ADCK5: variants seen among roughly 807,000 people sequenced by gnomAD.
ADCK5 encodes aarF domain containing kinase 5, also known as uncharacterized aarF domain-containing protein kinase 5.
A neutral mutation model predicts 64.9 loss-of-function variants in ADCK5; 43 were observed. The observed-to-expected ratio is 0.66, with a 90% CI of 0.52 to 0.85. The LOEUF is 0.85. ADCK5 is among the 40% of genes least tolerant of loss of function. ADCK5 has a pLI of 0.00. For missense variants in ADCK5, 760 were observed against 810.5 expected, an observed-to-expected ratio of 0.94 and a Z score of 0.76; for synonymous variants, 434 against 342.8, an observed-to-expected ratio of 1.27 and a Z score of -2.94.
rs1355410806 is a variant in ADCK5 at position 144,380,246 on chromosome 8, A to G, written c.116+756A>G. 6.6e-5 allele frequency among the ~76,000 whole-genome samples: 10 copies of G among 151,536 alleles called. No homozygotes were observed. In the East Asian group the frequency reaches 1.2e-3, roughly 18 times the overall value. On this transcript the variant is annotated intron_variant, in intron 2 of 14. Transcript: ENST00000308860. Reference sequence around the variant, plus strand: ...TAAGGATTATGGGCCGGGTGTAGAAACAGATGTGTGCTCAGGCACCTCCCG... The same window carrying G: ...TAAGGATTATGGGCCGGGTGTAGAAGCAGATGTGTGCTCAGGCACCTCCCG...
In ADCK5 at chr8:144,391,785, C is replaced by A; in HGVS notation, c.933C>A (p.Arg311=). 6.5e-7 allele frequency: 1 copy of A among 1,544,844 alleles called. No individual in the cohort carries two copies. The highest frequency in any genetic ancestry group is 8.7e-7 in the Non-Finnish European group (1 of 1,150,710). Residue 311 remains arginine, a splice_region_variant and synonymous_variant, in exon 9 of 15, where the codon CGC becomes CGA. Coordinates refer to ENST00000308860, the MANE Select transcript of ADCK5 (RefSeq NM_174922.5). Reference sequence around the variant, plus strand: ...GCCCAGCCTCTTGCTCTCCCCAGCGCGTGCTCACTGCCGACTTCTGCGCCG... The same window carrying A: ...GCCCAGCCTCTTGCTCTCCCCAGCGAGTGCTCACTGCCGACTTCTGCGCCG... ...PRVHWDKSSK[R]VLTADFCAGC...
intron 2 of ADCK5, among the ~76,000 whole-genome samples, chr8:144,380,240 G>T (rs1296935750): frequency 8.6e-5 from 13 of 152,038 alleles, no homozygotes; most frequent in Non-Finnish European, 1.6e-4. Context: ...TGGGCCGGGT[G>T]TAGAAACAGA....
At chr8:144,374,031 G>C, upstream of ADCK5, 2 of 1,241,894 alleles carry the variant, frequency 1.6e-6, no homozygotes, top group Non-Finnish European at 2.0e-6. Context: ...CCCTCCCGCA[G>C]GGCCTGCTGG....
chr8:144,391,076 G>A lies in ADCK5; in HGVS notation c.543+20G>A, dbSNP rs561021256. 7 of 1,611,036 alleles carry A rather than the reference G, an allele frequency of 4.3e-6. No homozygotes were observed. The highest frequency in any genetic ancestry group is 2.2e-5 in the East Asian group (1 of 44,874). On this transcript the variant is annotated intron_variant, in intron 5 of 14. Coordinates refer to ENST00000308860, the MANE Select transcript of ADCK5 (RefSeq NM_174922.5). The stretch of plus-strand genomic sequence containing the variant: ...CAGGAGGTGAGTGTGCGCTCAGGCC[G>A]AGGGAGGTGGGGCCTCCAGCAGTGG...
chr8:144,376,329 C>T lies in ADCK5; in HGVS notation c.12+2222C>T, dbSNP rs1362189440. ...CACAGTCTAGTGGGAGGACAGATTCCGTAAGTTGACAGTCACGCTGGTGTG... is the reference window on the plus strand; with the variant it reads ...CACAGTCTAGTGGGAGGACAGATTCTGTAAGTTGACAGTCACGCTGGTGTG... On this transcript the variant is annotated intron_variant, in intron 1 of 14. Transcript: ENST00000308860. The surrounding 1 kb of genome is among the most constrained non-coding windows in gnomAD (Gnocchi z 5.1). Among the ~76,000 whole-genome samples the T allele has an allele frequency of 2.0e-5, 3 of 152,104 alleles. No individual in the cohort carries two copies. The highest frequency in any genetic ancestry group is 2.9e-5 in the Non-Finnish European group (2 of 68,026).
intron 3 of ADCK5, among the ~76,000 whole-genome samples, chr8:144,386,211 C>A (rs1819918772): frequency 6.6e-6 from 1 of 151,594 alleles, no homozygotes; most frequent in African/African-American, 2.4e-5. Flanking sequence ...GGGGTTTTGC[C>A]ATGATGCCCA....
At chr8:144,375,333 C>G (rs1483122919) in intron 1 of ADCK5, 1 of 548,092 alleles carries the variant, frequency 1.8e-6, no homozygotes, top group South Asian at 8.0e-5. Flanking sequence ...GCCAGACCCA[C>G]TTACCCTGCC....
In ADCK5 at chr8:144,374,079, C is replaced by G; in HGVS notation, c.-17C>G. 2 of 1,247,466 alleles carry G rather than the reference C, an allele frequency of 1.6e-6. No homozygotes were observed. Among genetic ancestry groups the G allele is most frequent in the Non-Finnish European group, 2.0e-6 (2 of 988,686 alleles). 77.3% of individuals were successfully genotyped at this position (1,247,466 alleles called of 1,614,324 possible). ...TAAGCGGCGCCGGGCGGGAGAAGAG[C>G]GGAGCAGTGGTCGGAGATGTGGCGA... On this transcript the variant is annotated 5_prime_UTR_variant, in exon 1 of 15. Transcript: ENST00000308860.
intron 2 of ADCK5, among the ~76,000 whole-genome samples, chr8:144,381,891 G>A (rs1586581059): frequency 1.4e-5 from 2 of 144,834 alleles, no homozygotes; most frequent in South Asian, 4.5e-4. Context: ...GGCCCCTGCC[G>A]CACTCAGGAT....
rs898956169 is a variant in ADCK5 at position 144,383,210 on chromosome 8, T to C, written c.246T>C (p.Asp82=). The C allele has an allele frequency of 4.4e-6, 7 of 1,590,176 alleles. No homozygotes were observed. The highest frequency in any genetic ancestry group is 6.0e-6 in the Non-Finnish European group (7 of 1,168,026). The change falls in exon 3 of 15, where the codon GAT becomes GAC. Residue 82 remains aspartate, a synonymous_variant. Coordinates refer to ENST00000308860, the MANE Select transcript of ADCK5 (RefSeq NM_174922.5). Reference sequence around the variant, plus strand: ...AGAGGAGGATGCGGCTCGTGGTGGATGGCATGGGGCGCTTTGGCAGGTAGG... The same window carrying C: ...AGAGGAGGATGCGGCTCGTGGTGGACGGCATGGGGCGCTTTGGCAGGTAGG... The part of the protein sequence containing the change: ...REKRRMRLVV[D]GMGRFGRSLK...
chr8:144,379,459 TTCAGGAGAAACG>T lies in ADCK5; in HGVS notation c.91_102del (p.Arg31_Arg34del), dbSNP rs782127678. The T allele has an allele frequency of 1.9e-6, 3 of 1,609,006 alleles. No individual in the cohort carries two copies. ...GCCCTGGCCGTCCCCTGCTGTGTTC[TTCAGGAGAAACG>T]TCAGGGGCCTTCCTCCAAGGTAACG... On this transcript the variant is annotated inframe_deletion, in exon 2 of 15. Coordinates refer to ENST00000308860, the MANE Select transcript of ADCK5 (RefSeq NM_174922.5).
chr8:144,374,044 T>C, upstream of ADCK5: 3 of 1,243,926 alleles, frequency 2.4e-6, no homozygotes, highest in Non-Finnish European at 2.0e-6. Flanking sequence ...CCTGCTGGGC[T>C]GCGAGACGCT....
intron 2 of ADCK5, among the ~76,000 whole-genome samples, chr8:144,379,931 A>C (rs1183115288): frequency 6.6e-6 from 1 of 152,186 alleles, no homozygotes; most frequent in Non-Finnish European, 1.5e-5. Flanking sequence ...GCGCAGATGG[A>C]CGGTGGCAAG....
At chr8:144,388,572 G>A (rs1387328150) in intron 3 of ADCK5, among the ~76,000 whole-genome samples, 14 of 151,906 alleles carry the variant, frequency 9.2e-5, no homozygotes, top group Non-Finnish European at 4.4e-5. Context: ...AGACCATCCT[G>A]GCCAACACGG....
intron 3 of ADCK5, among the ~76,000 whole-genome samples, chr8:144,386,461 G>A (rs543251704): frequency 1.1e-4 from 16 of 151,914 alleles, no homozygotes; most frequent in Admixed American, 2.6e-4. Flanking sequence ...GGGTTCAAGC[G>A]ATTCTCCTGT....
chr8:144,389,296 C>T, intron 3 of ADCK5: 1 of 456,746 alleles, frequency 2.2e-6, no homozygotes, highest in Non-Finnish European at 4.4e-6. Context: ...GACCCACCCT[C>T]CTGGTGTCCT....
At chr8:144,388,628 G>A (rs1820047299) in intron 3 of ADCK5, among the ~76,000 whole-genome samples, 1 of 150,688 alleles carries the variant, frequency 6.6e-6, no homozygotes, top group Non-Finnish European at 1.5e-5. Context: ...AGCCGGGCGT[G>A]GTGTTGGGCG....
At chr8:144,374,747 G>A (rs781924243) in intron 1 of ADCK5, among the ~76,000 whole-genome samples, 79 of 152,206 alleles carry the variant, frequency 5.2e-4, no homozygotes, top group Admixed American at 2.3e-3. Context: ...GGGGCTGCAG[G>A]CCGGGCTCTG....
rs1303103327 is a variant in ADCK5, at chr8:144,393,149, A to C, written c.*75A>C. Reference sequence around the variant, plus strand: ...AGGTGGCGGGGCTAGAGGTGTAGACACCCCGAGCCCCGTGGGCACTCGCAC... The same window carrying C: ...AGGTGGCGGGGCTAGAGGTGTAGACCCCCCGAGCCCCGTGGGCACTCGCAC... On this transcript the variant is annotated 3_prime_UTR_variant, in exon 15 of 15. Coordinates refer to ENST00000308860, the MANE Select transcript of ADCK5 (RefSeq NM_174922.5). 7.1e-7 allele frequency: 1 copy of C among 1,410,424 alleles called. No homozygotes were observed. Among genetic ancestry groups the C allele is most frequent in the Admixed American group, 2.6e-5 (1 of 37,808 alleles). 87.4% of individuals were successfully genotyped at this position (1,410,424 alleles called of 1,614,324 possible).
Sources: gnomAD v4.1 joint callset for allele counts (sites outside exome capture counted in the v4.1 genomes callset) on GRCh38, gnomAD v4.1.1 for gene constraint, Gnocchi (gnomAD v3.1) non-coding constraint, MANE v1.5 for transcripts, NCBI Gene and HGNC (gene_info 2026-07-23, HGNC 2026-07-21) for gene names.